CNTNAP2: variants seen among roughly 807,000 people sequenced by gnomAD.
The protein encoded by CNTNAP2 is contactin-associated protein-like 2.
In CNTNAP2, 98 loss-of-function variants were observed where a neutral mutation model predicts 155.2. The ratio of observed to expected loss-of-function variants is 0.63; its 90% confidence interval spans 0.54 to 0.75. The LOEUF is 0.75. CNTNAP2 is among the 30% of genes least tolerant of loss of function. CNTNAP2 has a pLI of 0.00. For missense variants in CNTNAP2, 1,727 were observed against 1,688.1 expected (o/e 1.02, Z -0.40); for synonymous variants, 651 against 631.2 (o/e 1.03, Z -0.47).
In CNTNAP2 at chr7:148,366,026, ATGTGTG is replaced by A. The variant is rs1440220073; in HGVS notation, c.3476-17619_3476-17614del. On this transcript the variant is annotated intron_variant, in intron 21 of 23. Coordinates refer to ENST00000361727, the MANE Select transcript of CNTNAP2 (RefSeq NM_014141.6). ...TATGCATGTGTGTATGCATGTATGC[ATGTGTG>A]TGTATGCATGTATGCATGTGTGTGT... 2.1e-3 allele frequency among the ~76,000 whole-genome samples: 2 copies of A among 966 alleles called. 1 individual carries two copies. 0.6% of individuals were successfully genotyped at this position (966 alleles called of 152,430 possible).
At chr7:147,890,639 A>T (rs1799674131) in intron 13 of CNTNAP2, among the ~76,000 whole-genome samples, 1 of 152,256 alleles carries the variant, frequency 6.6e-6, no homozygotes, top group African/African-American at 2.4e-5. Flanking sequence ...GGATTTAAAC[A>T]CAGTGATTTC....
At chr7:147,174,095 G>T (rs544919139) in intron 8 of CNTNAP2, among the ~76,000 whole-genome samples, 1 of 152,028 alleles carries the variant, frequency 6.6e-6, no homozygotes, top group Admixed American at 6.6e-5. Context: ...AAAAAAACCA[G>T]CAAACCACAG....
At chr7:147,715,960 C>G (rs1232441490) in intron 13 of CNTNAP2, among the ~76,000 whole-genome samples, 1 of 152,124 alleles carries the variant, frequency 6.6e-6, no homozygotes, top group African/African-American at 2.4e-5. Flanking sequence ...TTATTGAAGA[C>G]TTTTCTTCCT....
chr7:146,371,618 G>A (rs1197042761), intron 1 of CNTNAP2, among the ~76,000 whole-genome samples: 1 of 151,608 alleles, frequency 6.6e-6, no homozygotes, highest in Non-Finnish European at 1.5e-5. Flanking sequence ...GCCCACCTCG[G>A]CCTCCCAAAG....
At chr7:148,332,646 G>GATGTGT (rs1202438407) in intron 21 of CNTNAP2, among the ~76,000 whole-genome samples, 1 of 152,212 alleles carries the variant, frequency 6.6e-6, no homozygotes, top group African/African-American at 2.4e-5. Flanking sequence ...TGCTAAGTAA[G>GATGTGT]AAAAATTTCA....
chr7:146,813,192 A>T (rs1457008656), intron 2 of CNTNAP2, among the ~76,000 whole-genome samples: 1 of 152,178 alleles, frequency 6.6e-6, no homozygotes, highest in East Asian at 1.9e-4. Context: ...TTGTGAGAAG[A>T]GGACCACTGT....
rs1304372540 is a variant in CNTNAP2 at position 147,914,896 on chromosome 7, T to C, written c.2255+11175T>C. On this transcript the variant is annotated intron_variant, in intron 14 of 23. Coordinates refer to ENST00000361727, the MANE Select transcript of CNTNAP2 (RefSeq NM_014141.6). ...ATAATCCATAACCTTTATACATGCA[T>C]ACATAATTTCTAGAAAATCTACAAA... Among the ~76,000 whole-genome samples the C allele has an allele frequency of 4.6e-5, 7 of 152,260 alleles. No individual in the cohort carries two copies. In the East Asian group the frequency reaches 1.4e-3, roughly 29 times the overall value.
intron 1 of CNTNAP2, among the ~76,000 whole-genome samples, chr7:146,648,509 A>G (rs1162838803): frequency 6.6e-6 from 1 of 152,152 alleles, no homozygotes; most frequent in African/African-American, 2.4e-5. Flanking sequence ...ACTTCTTTAA[A>G]TGTTTTTTAA....
rs1288909644 is a variant in CNTNAP2, at chr7:148,320,389, T to C, written c.3475+53263T>C. Among the ~76,000 whole-genome samples, 10 of 138,306 alleles carry C rather than the reference T, an allele frequency of 7.2e-5. No homozygotes were observed. In the East Asian group the frequency reaches 1.0e-3, roughly 14 times the overall value. 90.7% of individuals were successfully genotyped at this position (138,306 alleles called of 152,430 possible). A position where few individuals can be genotyped will look rare whatever the true frequency, so the allele number is the denominator to read the frequency against. On this transcript the variant is annotated intron_variant, in intron 21 of 23. Coordinates refer to ENST00000361727, the MANE Select transcript of CNTNAP2 (RefSeq NM_014141.6). ...GAATTTTTTTTTCTTTTTTTTTTTT[T>C]TTTTTTTTTTTTGAGATGGGGTCTC...
At chr7:148,223,391 C>T (rs1015029123) in intron 19 of CNTNAP2, among the ~76,000 whole-genome samples, 2 of 152,168 alleles carry the variant, frequency 1.3e-5, no homozygotes, top group South Asian at 2.1e-4. Flanking sequence ...ACGATCAGTA[C>T]CCTGTAAGTG....
At chr7:147,871,825 G>A (rs113342431) in intron 13 of CNTNAP2, among the ~76,000 whole-genome samples, 5,916 of 152,134 alleles carry the variant, frequency 0.039, 366 homozygotes, top group African/African-American at 0.14. Flanking sequence ...ATTTGCACAG[G>A]CCAGCTCCTC....
chr7:146,984,069 C>A (rs1798069705), intron 3 of CNTNAP2, among the ~76,000 whole-genome samples: 1 of 151,964 alleles, frequency 6.6e-6, no homozygotes, highest in Admixed American at 6.6e-5. Flanking sequence ...TTTTCATTGC[C>A]TTGTTAAGAT....
At chr7:147,370,813 AT>A (rs986127934) in intron 9 of CNTNAP2, among the ~76,000 whole-genome samples, 7 of 152,098 alleles carry the variant, frequency 4.6e-5, no homozygotes, top group African/African-American at 1.2e-4. Context: ...AGAATCACTT[AT>A]TTTTTTAATT....
At chr7:146,714,024 T>A (rs1045314352) in intron 1 of CNTNAP2, among the ~76,000 whole-genome samples, 6 of 152,222 alleles carry the variant, frequency 3.9e-5, no homozygotes, top group Non-Finnish European at 7.4e-5. Context: ...TAAAAAAAAA[T>A]TGACTCATTA....
At chr7:147,851,089 A>T (rs534051331) in intron 13 of CNTNAP2, among the ~76,000 whole-genome samples, 1 of 152,278 alleles carries the variant, frequency 6.6e-6, no homozygotes, top group East Asian at 1.9e-4. Flanking sequence ...AAAACAAACA[A>T]CCCCATCAAC....
intron 3 of CNTNAP2, among the ~76,000 whole-genome samples, chr7:146,879,995 T>C (rs1795509456): frequency 6.6e-6 from 1 of 151,952 alleles, no homozygotes; most frequent in Non-Finnish European, 1.5e-5. Context: ...AACCATCAGA[T>C]CTCGTAAGAC....
intron 12 of CNTNAP2, among the ~76,000 whole-genome samples, chr7:147,594,422 C>T (rs1171541601): frequency 2.6e-5 from 4 of 152,132 alleles, no homozygotes; most frequent in African/African-American, 9.7e-5. Flanking sequence ...TAGCTCTCAC[C>T]ATATGTAACA....
chr7:146,825,022 C>T (rs886588010), intron 2 of CNTNAP2, among the ~76,000 whole-genome samples: 2 of 151,976 alleles, frequency 1.3e-5, no homozygotes, highest in African/African-American at 4.8e-5. Context: ...GAATGTAACA[C>T]TTTCAGAAGA....
At chr7:147,048,984 A>G (rs1584804590) in intron 4 of CNTNAP2, among the ~76,000 whole-genome samples, 1 of 152,186 alleles carries the variant, frequency 6.6e-6, no homozygotes, top group African/African-American at 2.4e-5. Context: ...TGTTACTATA[A>G]CAGAATATCT....
Sources: allele counts gnomAD v4.1 joint callset (sites outside exome capture counted in the v4.1 genomes callset), GRCh38; gene constraint gnomAD v4.1.1; transcripts MANE v1.5; gene names NCBI Gene and HGNC (gene_info 2026-07-23, HGNC 2026-07-21).